The following SLC2A13 variants were observed in gnomAD, a reference collection of about 807,000 sequenced individuals.
SLC2A13 encodes solute carrier family 2 member 13.
A neutral mutation model predicts 64.4 loss-of-function variants in SLC2A13; 32 were observed. That is an observed-to-expected ratio of 0.50 (90% CI 0.37 to 0.67). The LOEUF (loss-of-function observed/expected upper bound fraction) is 0.67. Ranked by LOEUF, SLC2A13 falls within the 30% of genes least tolerant of loss-of-function variation. The pLI, the probability that SLC2A13 is intolerant of heterozygous loss-of-function variation, is 0.00. For missense variants in SLC2A13, 743 were observed against 829.2 expected (o/e 0.90, Z 1.28); for synonymous variants, 338 against 327.1 (o/e 1.03, Z -0.36).
chr12:39,811,072 A>G (rs1004043644), intron 7 of SLC2A13, among the ~76,000 whole-genome samples: 3 of 152,072 alleles, frequency 2.0e-5, no homozygotes, highest in Non-Finnish European at 4.4e-5. Flanking sequence ...TTTTTAATAC[A>G]AATTTGATTT....
intron 4 of SLC2A13, among the ~76,000 whole-genome samples, chr12:39,920,333 A>T (rs907785940): frequency 3.3e-5 from 5 of 152,132 alleles, no homozygotes; most frequent in Non-Finnish European, 7.3e-5. Flanking sequence ...GTTCTGAACA[A>T]CGTAGATGCC....
intron 6 of SLC2A13, among the ~76,000 whole-genome samples, chr12:39,838,710 C>T (rs774783360): frequency 2.6e-5 from 4 of 152,000 alleles, no homozygotes; most frequent in Non-Finnish European, 4.4e-5. Context: ...ATATGTTTCA[C>T]GTGGCACCCA....
rs114611401 is a variant in SLC2A13, at chr12:40,103,407, T to G, written c.556+1846A>C. ...TTCATCAGCCATCTCTGATAACCTATCTTATAAAGCTTAGCAAGTTCTACG... is the reference window on the plus strand; with the variant it reads ...TTCATCAGCCATCTCTGATAACCTAGCTTATAAAGCTTAGCAAGTTCTACG... On this transcript the variant is annotated intron_variant, in intron 1 of 9. Coordinates refer to ENST00000280871, the MANE Select transcript of SLC2A13 (RefSeq NM_052885.4). Among the ~76,000 whole-genome samples, 578 of 152,292 alleles carry G rather than the reference T, an allele frequency of 3.8e-3. 2 individuals carry two copies. Among genetic ancestry groups the G allele is most frequent in the African/African-American group, 0.013 (554 of 41,556 alleles).
chr12:39,957,048 C>T (rs902293341), intron 3 of SLC2A13, among the ~76,000 whole-genome samples: 7 of 152,158 alleles, frequency 4.6e-5, no homozygotes, highest in Non-Finnish European at 8.8e-5. Context: ...CAACCAGAGG[C>T]GGCCATTCTC....
At chr12:40,003,521 G>A (rs964924546) in intron 3 of SLC2A13, among the ~76,000 whole-genome samples, 4 of 152,068 alleles carry the variant, frequency 2.6e-5, no homozygotes, top group Admixed American at 6.6e-5. Flanking sequence ...CCTTGGATAT[G>A]CTATATCGTG....
intron 4 of SLC2A13, among the ~76,000 whole-genome samples, chr12:39,874,490 C>T (rs948410564): frequency 1.3e-5 from 2 of 151,880 alleles, no homozygotes; most frequent in African/African-American, 2.4e-5. Context: ...TAGCGGGCAC[C>T]TGTAATCCTA....
At chr12:40,052,182 G>A (rs991113641) in intron 1 of SLC2A13, among the ~76,000 whole-genome samples, 4 of 152,144 alleles carry the variant, frequency 2.6e-5, no homozygotes, top group African/African-American at 9.7e-5. Flanking sequence ...GTCATAGATG[G>A]AATTGAGTCA....
At chr12:39,973,537 A>G (rs1387417064) in intron 3 of SLC2A13, among the ~76,000 whole-genome samples, 1 of 152,216 alleles carries the variant, frequency 6.6e-6, no homozygotes, top group Non-Finnish European at 1.5e-5. Flanking sequence ...ACTGTCACAC[A>G]TCTGACTTCT....
At chr12:40,048,310 T>C in intron 1 of SLC2A13, 100 bp from the exon 2 acceptor site, 1 of 1,205,826 alleles carries the variant, frequency 8.3e-7, no homozygotes, top group South Asian at 2.0e-5. Flanking sequence ...ATATATGGGC[T>C]TGGTTTTCTA....
intron 7 of SLC2A13, among the ~76,000 whole-genome samples, chr12:39,801,253 A>G (rs915961177): frequency 6.1e-5 from 9 of 147,286 alleles, no homozygotes; most frequent in African/African-American, 9.9e-5. Flanking sequence ...TAATTAAAAA[A>G]AAAATCATTT....
intron 7 of SLC2A13, among the ~76,000 whole-genome samples, chr12:39,799,452 C>A (rs894084706): frequency 3.2e-5 from 2 of 63,466 alleles, no homozygotes; most frequent in Admixed American, 3.5e-4. Flanking sequence ...CTCTACACGG[C>A]GCACTTTTAC....
chr12:39,790,584 G>A (rs1015896958), intron 7 of SLC2A13, among the ~76,000 whole-genome samples: 3 of 144,880 alleles, frequency 2.1e-5, no homozygotes, highest in African/African-American at 7.7e-5. Flanking sequence ...ATTCCATGGT[G>A]TATATGTGCC....
chr12:40,000,438 A>G (rs1947304327), intron 3 of SLC2A13, among the ~76,000 whole-genome samples: 1 of 152,200 alleles, frequency 6.6e-6, no homozygotes, highest in Admixed American at 6.5e-5. Context: ...GGTGCTTTTC[A>G]CAGTCCTAAT....
chr12:39,949,559 A>G (rs779805237), intron 4 of SLC2A13: 3 of 152,218 alleles, frequency 2.0e-5, no homozygotes, highest in Non-Finnish European at 2.9e-5. Context: ...GCTACTGCTA[A>G]TGGATTATGA....
chr12:39,801,796 A>G (rs1472785542), intron 7 of SLC2A13, among the ~76,000 whole-genome samples: 1 of 152,214 alleles, frequency 6.6e-6, no homozygotes, highest in Admixed American at 6.5e-5. Flanking sequence ...AAATCAGATC[A>G]ACTGGAAGTG....
chr12:39,909,292 T>G (rs11174238), intron 4 of SLC2A13, among the ~76,000 whole-genome samples: 62,685 of 151,838 alleles, frequency 0.41, 14,188 homozygotes, highest in Middle Eastern at 0.51. Flanking sequence ...TAAATAGGCT[T>G]TCTTCTCTGA....
At chr12:39,923,696 G>A (rs2047363) in intron 4 of SLC2A13, among the ~76,000 whole-genome samples, 132,491 of 146,904 alleles carry the variant, frequency 0.9, 59,174 homozygotes, top group East Asian at 0.97. Context: ...ATGCGCACGC[G>A]CACACACACA....
intron 2 of SLC2A13, 42 bp from the exon 3 acceptor site, chr12:40,028,551 T>G: frequency 8.1e-6 from 13 of 1,598,298 alleles, no homozygotes; most frequent in Non-Finnish European, 1.1e-5. Context: ...AAATTTGCTC[T>G]TACCATCATG....
intron 7 of SLC2A13, among the ~76,000 whole-genome samples, chr12:39,797,886 AGGGGCTGT>A (rs1941636689): frequency 6.6e-6 from 1 of 152,162 alleles, no homozygotes; most frequent in Admixed American, 6.5e-5. Context: ...GATCTTCATT[AGGGGCTGT>A]GGGAGTCAGC....
Sources: gnomAD v4.1 joint callset for allele counts (sites outside exome capture counted in the v4.1 genomes callset) on GRCh38, gnomAD v4.1.1 for gene constraint, MANE v1.5 for transcripts, NCBI Gene and HGNC (gene_info 2026-07-23, HGNC 2026-07-21) for gene names.